NUF2: variants seen among roughly 807,000 people sequenced by gnomAD.
NUF2 encodes the protein NUF2 component of NDC80 kinetochore complex, also known as kinetochore protein Nuf2.
NUF2 carries 34 observed loss-of-function variants against 61.8 expected under a neutral mutation model. The ratio of observed to expected loss-of-function variants is 0.55; its 90% CI spans 0.42 to 0.73. The LOEUF (loss-of-function observed/expected upper bound fraction) is 0.73, where lower values mean the gene tolerates loss of function less well. Ranked by LOEUF, NUF2 falls within the 30% of genes least tolerant of loss-of-function variation. The pLI, the probability that NUF2 is intolerant of heterozygous loss-of-function variation, is 0.00. For synonymous variants in NUF2, 172 were observed against 181.6 expected (o/e 0.95, Z 0.42); for missense variants, 445 against 539.1 (o/e 0.83, Z 1.73).
chr1:163,339,256 G>T, intron 7 of NUF2, 125 bp from the exon 8 acceptor site: 2 of 610,688 alleles, frequency 3.3e-6, no homozygotes, highest in South Asian at 4.3e-5. Context: ...ATTGCCACAT[G>T]AAAGGGTGTA....
chr1:163,340,586 A>G (rs747891063), intron 9 of NUF2, among the ~76,000 whole-genome samples, 160 bp downstream of exon 9: 74 of 152,234 alleles, frequency 4.9e-4, no homozygotes, highest in Non-Finnish European at 6.2e-4. Context: ...TATTGTTTTA[A>G]AAAATATCGA....
intron 7 of NUF2, 29 bp downstream of exon 7, chr1:163,338,122 A>G: frequency 6.4e-7 from 1 of 1,553,736 alleles, no homozygotes. Flanking sequence ...AGTAAAATAA[A>G]TGCAATTTCA....
chr1:163,325,252 A>G (rs1650378635), intron 1 of NUF2, among the ~76,000 whole-genome samples: 1 of 152,130 alleles, frequency 6.6e-6, no homozygotes, highest in South Asian at 2.1e-4. Flanking sequence ...CACCCTATAC[A>G]TCGTAAGATG....
rs75702304 is a variant in NUF2 at position 163,325,751 on chromosome 1, A to G, written c.-20-281A>G. On this transcript the variant is annotated intron_variant, in intron 1 of 13. Coordinates refer to ENST00000271452, the MANE Select transcript of NUF2 (RefSeq NM_145697.3). ...AAGAGAAGCACGTGGTTTCTCATCTATCTATTCAACCAAAGTCCTCCTTCC... is the reference window on the plus strand; with the variant it reads ...AAGAGAAGCACGTGGTTTCTCATCTGTCTATTCAACCAAAGTCCTCCTTCC... 3.4e-3 allele frequency among the ~76,000 whole-genome samples: 524 copies of G among 152,242 alleles called. 1 individual carries two copies. Among genetic ancestry groups the G allele is most frequent in the Middle Eastern group, 0.02 (6 of 294 alleles).
intron 9 of NUF2, among the ~76,000 whole-genome samples, chr1:163,341,840 G>A (rs1235116304): frequency 6.6e-6 from 1 of 152,070 alleles, no homozygotes; most frequent in Non-Finnish European, 1.5e-5. Context: ...ATGTTGGCCA[G>A]GCTGGTTTTG....
At position 163,339,482 on chromosome 1, in the gene NUF2, C is replaced by T. The variant is rs1433570098; in HGVS notation, c.606+5C>T. ...CAGGATTTTCATCAAAAAACGGTAT[C>T]TGTTGTGAGGCACCTTAAACTTTAA... On this transcript the variant is annotated splice_donor_5th_base_variant and intron_variant, in intron 8 of 13. Transcript: ENST00000271452. 4.5e-6 allele frequency: 7 copies of T among 1,572,122 alleles called. No individual in the cohort carries two copies. The highest frequency in any genetic ancestry group is 1.3e-5 in the African/African-American group (1 of 74,202).
At chr1:163,326,844 T>C (rs1398036349) in intron 2 of NUF2, among the ~76,000 whole-genome samples, 2 of 152,076 alleles carry the variant, frequency 1.3e-5, no homozygotes, top group African/African-American at 4.8e-5. Context: ...TCAAACTGAG[T>C]AAATTCAGCT....
intron 3 of NUF2, 34 bp downstream of exon 3, chr1:163,327,596 T>G: frequency 7.5e-7 from 1 of 1,339,970 alleles, no homozygotes; most frequent in Non-Finnish European, 1.1e-6. Flanking sequence ...TATGGGGTTT[T>G]TTTTGTTTGT....
Position 163,328,270 on chromosome 1 carries a change from G to A in NUF2, c.241G>A (p.Gly81Ser). 1 of 1,607,954 alleles carries A rather than the reference G, an allele frequency of 6.2e-7. No individual in the cohort carries two copies. Residue 81 changes from glycine (G) to serine (S), a missense_variant, in exon 4 of 14, where the codon GGC (glycine) becomes AGC (serine). By Grantham distance (56) the Gly-to-Ser change is moderately conservative. Coordinates refer to ENST00000271452, the MANE Select transcript of NUF2 (RefSeq NM_145697.3). ...SEVMYPHLME[G>S]FLPFSNLVTH... Reference sequence around the variant, plus strand: ...AGTCATGTATCCACATTTAATGGAAGGCTTCTTACCATTCAGCAATTTAGT... The same window carrying A: ...AGTCATGTATCCACATTTAATGGAAAGCTTCTTACCATTCAGCAATTTAGT...
intron 13 of NUF2, among the ~76,000 whole-genome samples, chr1:163,354,899 G>A (rs1255959715): frequency 6.6e-6 from 1 of 151,808 alleles, no homozygotes; most frequent in Non-Finnish European, 1.5e-5. Flanking sequence ...AACTCTACAA[G>A]GTATTAATAT....
Position 163,328,848 on chromosome 1 carries a change from A to T in NUF2, c.278A>T (p.Asp93Val), listed in dbSNP as rs759195376. Residue 93 changes from aspartate to valine, a missense_variant and splice_region_variant, in exon 5 of 14, where the codon GAC (aspartate) becomes GTC (valine). By Grantham distance (152) the Asp-to-Val change is radical (BLOSUM62 -3). Transcript: ENST00000271452. ...LPFSNLVTHL[D>V]SFLPICRVND... ...TCTTTTTGTACTTCATCTTCAAGGG[A>T]CTCATTTTTGCCTATCTGCCGGGTG... is the stretch of plus-strand genomic sequence containing the variant. 5.0e-6 allele frequency: 8 copies of T among 1,594,116 alleles called. No individual in the cohort carries two copies. In the South Asian group the frequency reaches 7.7e-5, roughly 15 times the overall value.
At position 163,343,871 on chromosome 1, in the gene NUF2, G is replaced by A; in HGVS notation, c.807+1G>A. 7.2e-7 allele frequency: 1 copy of A among 1,383,164 alleles called. No homozygotes were observed. The allele number at this position is 1,383,164 out of a possible 1,614,324, so 85.7% of individuals were successfully genotyped here. ...GGTCCAGAAGCTTAAAAATGCCAGA[G>A]TGAGTTTTCTTTTTATTTTAATGCT... is the stretch of plus-strand genomic sequence containing the variant. On this transcript the variant is annotated splice_donor_variant, in intron 10 of 13. Transcript: ENST00000271452. LOFTEE classifies it high-confidence loss of function.
chr1:163,334,395 A>G (rs1483735943), intron 5 of NUF2, among the ~76,000 whole-genome samples: 2 of 152,202 alleles, frequency 1.3e-5, no homozygotes, highest in African/African-American at 2.4e-5. Context: ...TCCATCTGGT[A>G]TGATTTTTCT....
chr1:163,340,541 A>G, intron 9 of NUF2, 115 bp downstream of exon 9: 1 of 670,978 alleles, frequency 1.5e-6, no homozygotes, highest in Non-Finnish European at 2.5e-6. Context: ...CTTCAAAATG[A>G]AACAATCTTT....
intron 11 of NUF2, among the ~76,000 whole-genome samples, chr1:163,347,109 A>G (rs567765720): frequency 2.5e-3 from 374 of 152,266 alleles, no homozygotes; most frequent in African/African-American, 8.8e-3. Flanking sequence ...GAAAGTTCCA[A>G]CTTAGTGCCC....
intron 6 of NUF2, 108 bp downstream of exon 6, chr1:163,336,956 C>T (rs1650779614): frequency 1.5e-6 from 1 of 680,936 alleles, no homozygotes; most frequent in Non-Finnish European, 2.5e-6. Context: ...GCTGTATTGC[C>T]TTTAGAATTG....
At position 163,322,162 on chromosome 1, in the gene NUF2, TTTCGTCGTG is replaced by T. The variant is rs1650245771; in HGVS notation, c.-70_-62del. ...GCCGGGACGCTGGGCCTGGCGGTGTTTTCGTCGTGCTCAGCGGTGGGAGGAGGCGGAAGA... is the reference window on the plus strand; with the variant it reads ...GCCGGGACGCTGGGCCTGGCGGTGTTCTCAGCGGTGGGAGGAGGCGGAAGA... On this transcript the variant is annotated 5_prime_UTR_variant, in exon 1 of 14. Coordinates refer to ENST00000271452, the MANE Select transcript of NUF2 (RefSeq NM_145697.3). The T allele has an allele frequency of 6.6e-6, 1 of 152,232 alleles. No individual in the cohort carries two copies. The highest frequency in any genetic ancestry group is 1.5e-5 in the Non-Finnish European group (1 of 68,126). 9.4% of individuals were successfully genotyped at this position (152,232 alleles called of 1,614,324 possible).
rs143977037 is a variant in NUF2 at position 163,345,341 on chromosome 1, G to T, written c.808-337G>T. Among the ~76,000 whole-genome samples, 10 of 152,216 alleles carry T rather than the reference G, an allele frequency of 6.6e-5. 1 individual carries two copies. In the South Asian group the frequency reaches 1.9e-3, roughly 28 times the overall value. The stretch of plus-strand genomic sequence containing the variant: ...TGGGAAGATTATAAATGAGTAATAC[G>T]ATTGATTGCCCAGGAGTAATCAGAA... On this transcript the variant is annotated intron_variant, in intron 10 of 13. Coordinates refer to ENST00000271452, the MANE Select transcript of NUF2 (RefSeq NM_145697.3).
intron 5 of NUF2, among the ~76,000 whole-genome samples, chr1:163,329,701 G>A (rs1484961169): frequency 6.6e-6 from 1 of 152,170 alleles, no homozygotes; most frequent in South Asian, 2.1e-4. Context: ...TTACAATCCA[G>A]CAATCATGCT....
Sources: allele counts gnomAD v4.1 joint callset (sites outside exome capture counted in the v4.1 genomes callset), GRCh38; gene constraint gnomAD v4.1.1; transcripts MANE v1.5; gene names NCBI Gene and HGNC (gene_info 2026-07-23, HGNC 2026-07-21).